The following PVT1 variants were observed in gnomAD, a reference collection of about 807,000 sequenced individuals.
PVT1 encodes the protein Pvt1 oncogene, also known as CXCR4/PVT1 fusion.
chr8:127,796,645 G>T (rs775096066), intron 2 of PVT1, among the ~76,000 whole-genome samples: 1 of 152,150 alleles, frequency 6.6e-6, no homozygotes, highest in Non-Finnish European at 1.5e-5. Context: ...TCCTGTTTGT[G>T]TGAGTGGCCC....
At chr8:127,809,474 A>G (rs965951912) in intron 2 of PVT1, among the ~76,000 whole-genome samples, 1 of 152,222 alleles carries the variant, frequency 6.6e-6, no homozygotes, top group Non-Finnish European at 1.5e-5. Flanking sequence ...AATTACAGGA[A>G]TGAGCCATCA....
chr8:128,059,254 G>T (rs1277332277), intron 4 of PVT1, among the ~76,000 whole-genome samples: 1 of 152,162 alleles, frequency 6.6e-6, no homozygotes, highest in African/African-American at 2.4e-5. Flanking sequence ...GCAGGGAAAG[G>T]CTCAATACGC....
intron 2 of PVT1, among the ~76,000 whole-genome samples, chr8:127,809,052 A>AAAAAAAAAAAAAAAAAAAAAAAG (rs1554588311): frequency 8.9e-5 from 12 of 135,112 alleles, no homozygotes; most frequent in African/African-American, 2.4e-4. Context: ...AAAAAAAAAA[A>AAAAAAAAAAAAAAAAAAAAAAAG]AAAGAAAGAA....
intron 2 of PVT1, among the ~76,000 whole-genome samples, chr8:127,824,196 T>C (rs1385996071): frequency 6.6e-6 from 1 of 152,148 alleles, no homozygotes; most frequent in Non-Finnish European, 1.5e-5. Flanking sequence ...AAAGGAACTA[T>C]CTGGCTTCAT....
intron 4 of PVT1, among the ~76,000 whole-genome samples, chr8:128,033,151 G>T (rs1039128007): frequency 7.2e-5 from 11 of 152,222 alleles, no homozygotes; most frequent in Admixed American, 6.5e-4. Flanking sequence ...GAAAGAAGAA[G>T]AGACTAGCAG....
intron 3 of PVT1, among the ~76,000 whole-genome samples, chr8:127,963,465 C>T (rs1816669536): frequency 6.6e-6 from 1 of 152,178 alleles, no homozygotes; most frequent in East Asian, 1.9e-4. Context: ...CCACTCCTGC[C>T]TCCTCTGAGA....
intron 2 of PVT1, among the ~76,000 whole-genome samples, chr8:127,868,124 G>A (rs971794305): frequency 6.6e-6 from 1 of 152,090 alleles, no homozygotes; most frequent in Non-Finnish European, 1.5e-5. Context: ...ACTCTTCTAA[G>A]TCCTTTGCAA....
At chr8:128,015,514 G>A (rs888582568) in intron 4 of PVT1, among the ~76,000 whole-genome samples, 5 of 152,060 alleles carry the variant, frequency 3.3e-5, no homozygotes, top group East Asian at 1.9e-4. Context: ...AGTGGCTCAC[G>A]TCTGTAACCC....
intron 3 of PVT1, among the ~76,000 whole-genome samples, chr8:127,937,916 G>A (rs1271914646): frequency 3.9e-5 from 6 of 152,130 alleles, no homozygotes; most frequent in African/African-American, 1.4e-4. Context: ...TCTCTGTCAC[G>A]CTAAATCGTG....
chr8:128,041,039 G>T, intron 4 of PVT1, among the ~76,000 whole-genome samples: 1 of 121,564 alleles, frequency 8.2e-6, no homozygotes, highest in South Asian at 2.9e-4. Flanking sequence ...TGTGTGTTGA[G>T]TGCCTGTGTG....
intron 4 of PVT1, among the ~76,000 whole-genome samples, chr8:127,999,890 A>G (rs569141983): frequency 1.3e-5 from 2 of 152,368 alleles, no homozygotes; most frequent in South Asian, 2.1e-4. Flanking sequence ...ACTTTTCCCT[A>G]TGGTCAATGT....
At chr8:128,040,350 C>T (rs1813516062) in intron 4 of PVT1, among the ~76,000 whole-genome samples, 1 of 152,210 alleles carries the variant, frequency 6.6e-6, no homozygotes, top group African/African-American at 2.4e-5. Context: ...TGGACTCAAG[C>T]CGCAGTATCA....
intron 4 of PVT1, among the ~76,000 whole-genome samples, chr8:128,017,855 T>A (rs1311301598): frequency 6.6e-6 from 1 of 152,140 alleles, no homozygotes; most frequent in Non-Finnish European, 1.5e-5. Context: ...ACTCCTTGTG[T>A]CGGGGGTGAT....
chr8:127,904,448 G>A (rs1325656931), intron 3 of PVT1, among the ~76,000 whole-genome samples: 1 of 150,964 alleles, frequency 6.6e-6, no homozygotes, highest in Non-Finnish European at 1.5e-5. Flanking sequence ...GGCCAGCTCA[G>A]TGTTTTACAG....
rs182338370 is a variant in PVT1, at chr8:127,877,573, C to T, written n.373-13016C>T. ...CGTGGAGCTTCCCTGAACTCCACAC[C>T]GCACATCTACTACTGTTTAGGATAA... On this transcript the variant is annotated intron_variant and non_coding_transcript_variant, in intron 2 of 10. Coordinates refer to ENST00000651587, the Ensembl canonical transcript of PVT1. 9.2e-4 allele frequency among the ~76,000 whole-genome samples: 140 copies of T among 152,206 alleles called. 2 individuals are homozygous for T. The highest frequency in any genetic ancestry group is 8.0e-3 in the Admixed American group (122 of 15,286).
chr8:127,896,509 A>T (rs1815678423), intron 3 of PVT1, among the ~76,000 whole-genome samples: 1 of 152,194 alleles, frequency 6.6e-6, no homozygotes, highest in Non-Finnish European at 1.5e-5. Flanking sequence ...TTTTAGAACA[A>T]AACTAAATCT....
At chr8:127,998,002 A>T (rs1028524637) in intron 4 of PVT1, among the ~76,000 whole-genome samples, 1 of 152,202 alleles carries the variant, frequency 6.6e-6, no homozygotes, top group African/African-American at 2.4e-5. Context: ...TCTTCTTATT[A>T]GATTGGGATT....
Position 127,960,852 on chromosome 8 carries a change from G to A in PVT1, n.783-28310G>A, listed in dbSNP as rs543705260. On this transcript the variant is annotated intron_variant and non_coding_transcript_variant, in intron 3 of 10. Coordinates refer to ENST00000651587, the Ensembl canonical transcript of PVT1. Reference sequence around the variant, plus strand: ...TGAGCACATACTGCAGGCCAGGCATGGTGCTGCATGCATTCTGGAAGTACA... The same window carrying A: ...TGAGCACATACTGCAGGCCAGGCATAGTGCTGCATGCATTCTGGAAGTACA... Among the ~76,000 whole-genome samples the A allele has an allele frequency of 4.3e-4, 64 of 150,334 alleles. 1 individual carries two copies. The highest frequency in any genetic ancestry group is 4.6e-4 in the Non-Finnish European group (31 of 67,832).
chr8:128,055,657 G>C (rs564011128), intron 4 of PVT1, among the ~76,000 whole-genome samples: 1 of 152,320 alleles, frequency 6.6e-6, no homozygotes, highest in Admixed American at 6.5e-5. Context: ...TCTGCTGGTG[G>C]TTCTTCTGTT....
Sources: gnomAD v4.1 joint callset for allele counts (sites outside exome capture counted in the v4.1 genomes callset) on GRCh38, gnomAD v4.1.1 for gene constraint, MANE v1.5 for transcripts, NCBI Gene and HGNC (gene_info 2026-07-23, HGNC 2026-07-21) for gene names.